IQCK: variants seen among roughly 807,000 people sequenced by gnomAD.
IQCK encodes IQ motif containing K.
IQCK carries 29 observed loss-of-function variants against 28.1 expected under a neutral mutation model. The observed-to-expected ratio is 1.03, with a 90% CI of 0.77 to 1.41. The LOEUF (loss-of-function observed/expected upper bound fraction) is 1.41, where lower values mean the gene tolerates loss of function less well. IQCK is among the 40% of genes most tolerant of loss of function. The probability of loss-of-function intolerance (pLI) is 0.00; values close to 1 mark genes in which losing one functional copy is unlikely to be tolerated. For missense variants in IQCK, 359 were observed against 314.7 expected (o/e 1.14, Z -1.07); for synonymous variants, 113 against 115.1 (o/e 0.98, Z 0.12).
chr16:19,739,685 C>T (rs2054805171), intron 4 of IQCK, among the ~76,000 whole-genome samples: 1 of 152,180 alleles, frequency 6.6e-6, no homozygotes, highest in Admixed American at 6.5e-5. Context: ...CATGGTGGCA[C>T]ATGCCTGTGG....
chr16:19,822,067 C>CAAAAAAAAAAAAAAAA (rs35060834), intron 7 of IQCK, among the ~76,000 whole-genome samples: 1 of 64,620 alleles, frequency 1.5e-5, no homozygotes, highest in Non-Finnish European at 3.2e-5. Flanking sequence ...GACCCTGTCT[C>CAAAAAAAAAAAAAAAA]AAAAAAAAAA....
At chr16:19,725,321 C>CA (rs764330346) in intron 1 of IQCK, among the ~76,000 whole-genome samples, 20 of 152,156 alleles carry the variant, frequency 1.3e-4, no homozygotes, top group Admixed American at 7.9e-4. Context: ...CTAAGCCTCC[C>CA]AAGTAGCTGG....
Position 19,814,930 on chromosome 16 carries a change from G to T in IQCK, c.691-12096G>T, listed in dbSNP as rs554658344. ...GCCTCCCAAGTAGCTGGAAATACAGGCATGCACCACCACACTTGTCTAAAA... is the reference window on the plus strand; with the variant it reads ...GCCTCCCAAGTAGCTGGAAATACAGTCATGCACCACCACACTTGTCTAAAA... On this transcript the variant is annotated intron_variant, in intron 7 of 7. Coordinates refer to ENST00000564186, the Ensembl canonical transcript of IQCK. 1.5e-4 allele frequency among the ~76,000 whole-genome samples: 23 copies of T among 151,886 alleles called. 1 individual carries two copies. The highest frequency in any genetic ancestry group is 1.5e-3 in the Admixed American group (23 of 15,236).
chr16:19,760,218 T>A (rs2055117584), intron 4 of IQCK, among the ~76,000 whole-genome samples: 1 of 152,238 alleles, frequency 6.6e-6, no homozygotes, highest in African/African-American at 2.4e-5. Flanking sequence ...CGTGGTTAAC[T>A]GATTGGAGAA....
intron 4 of IQCK, among the ~76,000 whole-genome samples, chr16:19,747,775 A>G (rs2151696099): frequency 6.6e-6 from 1 of 152,282 alleles, no homozygotes; most frequent in African/African-American, 2.4e-5. Flanking sequence ...TTCACTTAAG[A>G]TAATGCCCCC....
At chr16:19,816,706 C>T (rs2055993753) in intron 7 of IQCK, among the ~76,000 whole-genome samples, 1 of 152,218 alleles carries the variant, frequency 6.6e-6, no homozygotes, top group Admixed American at 6.5e-5. Context: ...TAACTGGCTC[C>T]TCAGCCACTT....
At chr16:19,819,781 C>CG (rs1195712954) in intron 7 of IQCK, among the ~76,000 whole-genome samples, 7 of 151,198 alleles carry the variant, frequency 4.6e-5, no homozygotes, top group South Asian at 2.1e-4. Flanking sequence ...TGGGAGGCCA[C>CG]GGGGGGCAGA....
chr16:19,818,423 G>A (rs1418480115), intron 7 of IQCK, among the ~76,000 whole-genome samples: 2 of 151,778 alleles, frequency 1.3e-5, no homozygotes, highest in East Asian at 1.9e-4. Context: ...ACGGAGTTTC[G>A]CTCTTGTCAT....
At chr16:19,734,001 G>T (rs1340861122) in intron 3 of IQCK, 174 bp downstream of exon 3, 12 of 565,972 alleles carry the variant, frequency 2.1e-5, no homozygotes, top group Non-Finnish European at 3.0e-6. Context: ...TATCTTTAAG[G>T]TTAAAAATGT....
At chr16:19,804,283 G>A (rs934710720) in intron 7 of IQCK, among the ~76,000 whole-genome samples, 1 of 152,096 alleles carries the variant, frequency 6.6e-6, no homozygotes, top group African/African-American at 2.4e-5. Context: ...GACAGAGGTT[G>A]CAGTGAGTTG....
intron 9 of IQCK, among the ~76,000 whole-genome samples, chr16:19,842,543 A>C (rs2056373419): frequency 1.3e-5 from 2 of 152,204 alleles, no homozygotes; most frequent in Admixed American, 1.3e-4. Flanking sequence ...TTTGGGTCAA[A>C]ATCCATTAAA....
At chr16:19,724,328 C>T (rs894404997) in intron 1 of IQCK, among the ~76,000 whole-genome samples, 2 of 152,082 alleles carry the variant, frequency 1.3e-5, no homozygotes, top group African/African-American at 2.4e-5. Context: ...TATCATAACC[C>T]CTGGTTTATC....
chr16:19,718,560 A>G lies in IQCK; in HGVS notation c.181+73A>G, dbSNP rs966086028. On this transcript the variant is annotated intron_variant, in intron 1 of 7. Transcript: ENST00000564186. ...CGGGGGCCGCGTTTGGGGAGCGCCC[A>G]CTGTGCGCCTGTCGGCTGACGGGCG... 4 of 1,356,078 alleles carry G rather than the reference A, an allele frequency of 2.9e-6. 1 individual carries two copies. The highest frequency in any genetic ancestry group is 3.3e-5 in the South Asian group (2 of 59,750). 84.0% of individuals were successfully genotyped at this position (1,356,078 alleles called of 1,614,324 possible). A position where few individuals can be genotyped will look rare whatever the true frequency, so the allele number is the denominator to read the frequency against.
intron 4 of IQCK, among the ~76,000 whole-genome samples, chr16:19,748,376 A>C (rs190883225): frequency 1.7e-3 from 265 of 152,222 alleles, no homozygotes; most frequent in African/African-American, 6.1e-3. Context: ...AACCCAGCTA[A>C]ATTCTTATCC....
intron 6 of IQCK, among the ~76,000 whole-genome samples, chr16:19,764,835 G>A (rs911086278): frequency 1.3e-5 from 2 of 148,280 alleles, no homozygotes; most frequent in Non-Finnish European, 3.0e-5. Context: ...GACTACAGGT[G>A]CCTGCCACCA....
chr16:19,783,788 A>G (rs1412654098), intron 6 of IQCK, among the ~76,000 whole-genome samples: 1 of 152,148 alleles, frequency 6.6e-6, no homozygotes, highest in African/African-American at 2.4e-5. Context: ...GGATGTCACT[A>G]AAGGTGGCCT....
chr16:19,827,562 G>A (rs1023435129), downstream of IQCK, among the ~76,000 whole-genome samples: 6 of 152,110 alleles, frequency 3.9e-5, no homozygotes, highest in African/African-American at 9.7e-5. Context: ...CAACTTGACC[G>A]GGCTGTGAGA....
At chr16:19,770,115 G>C (rs941725776) in intron 6 of IQCK, among the ~76,000 whole-genome samples, 1 of 152,196 alleles carries the variant, frequency 6.6e-6, no homozygotes, top group African/African-American at 2.4e-5. Context: ...AGGATATGAA[G>C]AGAAACGGTT....
chr16:19,749,189 C>T lies in IQCK; in HGVS notation c.474+13739C>T, dbSNP rs374292557. 1.4e-4 allele frequency among the ~76,000 whole-genome samples: 21 copies of T among 152,250 alleles called. No individual in the cohort carries two copies. The East Asian group carries it at 1.5e-3, about 11-fold the overall frequency. ...TTATCCAGGAAATAGAGAAGAGAGACGAAACAGAGCTTTCTTAAAATCAGA... is the reference window on the plus strand; with the variant it reads ...TTATCCAGGAAATAGAGAAGAGAGATGAAACAGAGCTTTCTTAAAATCAGA... On this transcript the variant is annotated intron_variant, in intron 4 of 7. Coordinates refer to ENST00000564186, the Ensembl canonical transcript of IQCK.
Sources: gnomAD v4.1 joint callset for allele counts (sites outside exome capture counted in the v4.1 genomes callset) on GRCh38, gnomAD v4.1.1 for gene constraint, MANE v1.5 for transcripts, NCBI Gene and HGNC (gene_info 2026-07-23, HGNC 2026-07-21) for gene names.